The following PTPRO variants were observed in gnomAD, a reference collection of about 807,000 sequenced individuals.
The protein encoded by PTPRO is protein tyrosine phosphatase receptor type O.
A neutral mutation model predicts 145.2 loss-of-function variants in PTPRO; 62 were observed. The ratio of observed to expected loss-of-function variants is 0.43; its 90% confidence interval spans 0.35 to 0.53. The LOEUF (loss-of-function observed/expected upper bound fraction) is 0.53, where lower values mean the gene tolerates loss of function less well. Among genes scored for constraint, PTPRO ranks in the 20% least tolerant of loss-of-function variants. PTPRO has a pLI of 0.01. For missense variants in PTPRO, 1,345 were observed against 1,482.7 expected (o/e 0.91, Z 1.53); for synonymous variants, 565 against 514.7 (o/e 1.10, Z -1.32).
intron 9 of PTPRO, 88 bp downstream of exon 9, chr12:15,517,044 A>G: frequency 8.0e-7 from 1 of 1,250,780 alleles, no homozygotes; most frequent in African/African-American, 1.5e-5. Context: ...AATTATCTAT[A>G]AATTTGATTA....
At chr12:15,372,964 G>GTCA (rs1476982015) in intron 1 of PTPRO, among the ~76,000 whole-genome samples, 2 of 152,130 alleles carry the variant, frequency 1.3e-5, no homozygotes, top group Non-Finnish European at 2.9e-5. Context: ...TTGATTAATT[G>GTCA]GAAGTTGGTT....
intron 1 of PTPRO, among the ~76,000 whole-genome samples, chr12:15,388,669 A>G (rs1161499865): frequency 6.6e-6 from 1 of 152,316 alleles, no homozygotes; most frequent in Non-Finnish European, 1.5e-5. Flanking sequence ...TCCAATTTTA[A>G]TGTAAATCTA....
chr12:15,474,457 G>T (rs1941611022), intron 1 of PTPRO, among the ~76,000 whole-genome samples: 1 of 152,142 alleles, frequency 6.6e-6, no homozygotes, highest in South Asian at 2.1e-4. Flanking sequence ...ACTGGTTATG[G>T]AAAGATAAGT....
intron 1 of PTPRO, among the ~76,000 whole-genome samples, chr12:15,384,181 G>A (rs1353757596): frequency 6.6e-6 from 1 of 152,126 alleles, no homozygotes; most frequent in Non-Finnish European, 1.5e-5. Context: ...TGGCCAAGGG[G>A]GAGGAGGTCC....
At chr12:15,443,097 C>A (rs904468507) in intron 1 of PTPRO, among the ~76,000 whole-genome samples, 10 of 152,140 alleles carry the variant, frequency 6.6e-5, no homozygotes, top group African/African-American at 2.4e-4. Flanking sequence ...AGTACCAAAA[C>A]AGCATGGTAC....
intron 1 of PTPRO, among the ~76,000 whole-genome samples, chr12:15,397,613 G>A (rs1414887889): frequency 2.6e-5 from 4 of 152,184 alleles, no homozygotes; most frequent in Admixed American, 6.5e-5. Context: ...GCCCGTGGAA[G>A]TCTCAATGAC....
rs10492143 is a variant in PTPRO, at chr12:15,560,123, A to G, written c.2628-70A>G. 15,195 of 1,074,202 alleles carry G rather than the reference A, an allele frequency of 0.014. 1,224 individuals carry two copies. In the African/African-American group the frequency reaches 0.19, roughly 13 times the overall value. The allele number at this position is 1,074,202 out of a possible 1,614,324, so 66.5% of individuals were successfully genotyped here. A position where few individuals can be genotyped will look rare whatever the true frequency, so the allele number is the denominator to read the frequency against. On this transcript the variant is annotated intron_variant, in intron 16 of 26. Coordinates refer to ENST00000281171, the MANE Select transcript of PTPRO (RefSeq NM_030667.3). ...CCCAATAGGTAATTTACTGATATCT[A>G]TTCACAGTTTATATTACTAACTCTT...
intron 1 of PTPRO, among the ~76,000 whole-genome samples, chr12:15,342,583 A>G (rs1016194685): frequency 5.9e-5 from 9 of 152,154 alleles, no homozygotes; most frequent in African/African-American, 1.4e-4. Flanking sequence ...TACACACCCA[A>G]TATCAGCCTT....
intron 1 of PTPRO, among the ~76,000 whole-genome samples, chr12:15,382,159 A>AATAT (rs144742152): frequency 0.064 from 9,359 of 145,638 alleles, 540 homozygotes; most frequent in African/African-American, 0.15. Flanking sequence ...AAAAGTGAGA[A>AATAT]ATATATATAT....
At chr12:15,459,235 T>C (rs566434537) in intron 1 of PTPRO, among the ~76,000 whole-genome samples, 3 of 152,300 alleles carry the variant, frequency 2.0e-5, no homozygotes, top group South Asian at 4.1e-4. Context: ...ACTTGCTCTG[T>C]GCTGAGCAAG....
chr12:15,485,919 T>G (rs936148122), intron 2 of PTPRO, among the ~76,000 whole-genome samples: 1 of 152,190 alleles, frequency 6.6e-6, no homozygotes, highest in Non-Finnish European at 1.5e-5. Flanking sequence ...AGTGTTGTTG[T>G]GATCAGAGAA....
In PTPRO at chr12:15,484,001, C is replaced by A; in HGVS notation, c.103C>A (p.Gln35Lys). 1 of 1,613,398 alleles carries A rather than the reference C, an allele frequency of 6.2e-7. No individual in the cohort carries two copies. Among genetic ancestry groups the A allele is most frequent in the Non-Finnish European group, 8.5e-7 (1 of 1,179,516 alleles). ...KNATAFHVTV[Q>K]DDNNIVVSLE... ...TGCTACAGCTTTCCATGTAACTGTC[C>A]AAGATGATAATAACATCGTTGTCTC... Residue 35 changes from glutamine to lysine, a missense_variant, in exon 2 of 27, where the codon CAA (glutamine) becomes AAA (lysine). Coordinates refer to ENST00000281171, the MANE Select transcript of PTPRO (RefSeq NM_030667.3).
At chr12:15,382,178 T>TATATATATATATATATA (rs1565597910) in intron 1 of PTPRO, among the ~76,000 whole-genome samples, 2 of 133,216 alleles carry the variant, frequency 1.5e-5, no homozygotes, top group African/African-American at 3.3e-5. Context: ...ATATATATAT[T>TATATATATATATATATA]TATATTTATA....
intron 2 of PTPRO, 123 bp from the exon 3 acceptor site, chr12:15,497,122 C>G: frequency 1.1e-6 from 1 of 884,234 alleles, no homozygotes; most frequent in South Asian, 1.4e-5. Context: ...GTTTAGTGCC[C>G]ACAGACAGTG....
chr12:15,571,263 C>T (rs1944040959), intron 19 of PTPRO, among the ~76,000 whole-genome samples: 2 of 151,726 alleles, frequency 1.3e-5, no homozygotes, highest in Admixed American at 6.6e-5. Context: ...AAACAACAAA[C>T]AACCTCTTTT....
chr12:15,337,012 T>C (rs1002946756), intron 1 of PTPRO, among the ~76,000 whole-genome samples: 1 of 152,174 alleles, frequency 6.6e-6, no homozygotes, highest in African/African-American at 2.4e-5. Flanking sequence ...AGTCCTACAA[T>C]TGTTTTCAAA....
At chr12:15,429,437 G>A (rs1940373241) in intron 1 of PTPRO, among the ~76,000 whole-genome samples, 1 of 152,186 alleles carries the variant, frequency 6.6e-6, no homozygotes, top group Non-Finnish European at 1.5e-5. Flanking sequence ...CTGAGGGCAT[G>A]ATACATGTGT....
At chr12:15,405,058 T>G (rs1295850276) in intron 1 of PTPRO, among the ~76,000 whole-genome samples, 2 of 152,198 alleles carry the variant, frequency 1.3e-5, no homozygotes, top group Non-Finnish European at 2.9e-5. Context: ...GGGTTTCACC[T>G]TCATTTCCTA....
chr12:15,583,496 C>A (rs35677139), intron 23 of PTPRO, among the ~76,000 whole-genome samples: 87,846 of 149,270 alleles, frequency 0.59, 27,984 homozygotes, highest in South Asian at 0.75. Flanking sequence ...CACACACACA[C>A]ACAAAAAAAA....
Sources: allele counts gnomAD v4.1 joint callset (sites outside exome capture counted in the v4.1 genomes callset), GRCh38; gene constraint gnomAD v4.1.1; transcripts MANE v1.5; gene names NCBI Gene and HGNC (gene_info 2026-07-23, HGNC 2026-07-21).